The following CTNNA2 variants were observed in gnomAD, a reference collection of about 807,000 sequenced individuals.
CTNNA2 encodes the protein catenin alpha 2.
In CTNNA2, 42 loss-of-function variants were observed where a neutral mutation model predicts 101.0. The observed-to-expected ratio is 0.42, with a 90% CI of 0.32 to 0.54. CTNNA2 has a LOEUF of 0.54. Among genes scored for constraint, CTNNA2 ranks in the 20% least tolerant of loss-of-function variants. The pLI is 0.14. For missense variants in CTNNA2, 871 were observed against 1,223.1 expected (o/e 0.71, Z 4.29); for synonymous variants, 450 against 456.4 (o/e 0.99, Z 0.18).
At chr2:80,029,100 G>C (rs1291568861) in intron 7 of CTNNA2, among the ~76,000 whole-genome samples, 2 of 152,150 alleles carry the variant, frequency 1.3e-5, no homozygotes, top group Non-Finnish European at 2.9e-5. Flanking sequence ...GGCTTATCTA[G>C]CCTTCCCAAT....
intron 7 of CTNNA2, chr2:80,313,388 G>C: frequency 7.3e-7 from 1 of 1,363,962 alleles, no homozygotes; most frequent in Non-Finnish European, 9.5e-7. Context: ...GAGAAGCAGA[G>C]TTAGATAAAA....
At chr2:79,938,275 T>C (rs1456801531) in intron 7 of CTNNA2, among the ~76,000 whole-genome samples, 1 of 152,214 alleles carries the variant, frequency 6.6e-6, no homozygotes, top group Non-Finnish European at 1.5e-5. Context: ...ATTGTAGAGC[T>C]TGATTTGTAG....
chr2:79,500,027 C>G (rs915156295), intron 4 of CTNNA2, among the ~76,000 whole-genome samples: 1 of 152,118 alleles, frequency 6.6e-6, no homozygotes, highest in Non-Finnish European at 1.5e-5. Context: ...TGGATGAGGA[C>G]CACCCACATT....
chr2:79,977,222 G>GCACGCACACA (rs1553419410), intron 7 of CTNNA2, among the ~76,000 whole-genome samples: 4 of 144,740 alleles, frequency 2.8e-5, no homozygotes, highest in African/African-American at 5.2e-5. Flanking sequence ...GCATATGCAT[G>GCACGCACACA]CACACACACA....
intron 8 of CTNNA2, among the ~76,000 whole-genome samples, chr2:80,408,684 C>G (rs73941111): frequency 0.042 from 6,395 of 152,174 alleles, 329 homozygotes; most frequent in African/African-American, 0.12. Flanking sequence ...CCCTTTGGAG[C>G]AAGCAATGGT....
intron 6 of CTNNA2, among the ~76,000 whole-genome samples, chr2:79,881,881 G>T (rs1012403762): frequency 1.3e-5 from 2 of 149,280 alleles, no homozygotes; most frequent in Non-Finnish European, 3.0e-5. Flanking sequence ...CACACTAGAT[G>T]ATACAGTTTC....
intron 4 of CTNNA2, among the ~76,000 whole-genome samples, chr2:79,428,234 A>T (rs963378693): frequency 6.6e-6 from 1 of 151,850 alleles, no homozygotes. Flanking sequence ...ATTTTCCTCA[A>T]TCAAGGAGCA....
At chr2:79,463,753 G>T (rs987757119) in intron 4 of CTNNA2, among the ~76,000 whole-genome samples, 3 of 152,102 alleles carry the variant, frequency 2.0e-5, no homozygotes, top group Non-Finnish European at 4.4e-5. Context: ...AGAGTGGAAG[G>T]GGTGCCATTA....
intron 7 of CTNNA2, among the ~76,000 whole-genome samples, chr2:79,988,693 G>T (rs187519330): frequency 2.2e-3 from 333 of 152,210 alleles, no homozygotes; most frequent in African/African-American, 7.2e-3. Flanking sequence ...GAATTCTAAG[G>T]TTCATGCATT....
In CTNNA2 at chr2:80,648,489, G is replaced by GTT. The variant is rs535237092; in HGVS notation, c.*623_*624dup. The GTT allele has an allele frequency of 6.6e-6, 1 of 152,410 alleles. No homozygotes were observed. Among genetic ancestry groups the GTT allele is most frequent in the Non-Finnish European group, 1.5e-5 (1 of 67,982 alleles). 9.4% of individuals were successfully genotyped at this position (152,410 alleles called of 1,614,324 possible). A position where few individuals can be genotyped will look rare whatever the true frequency, so the allele number is the denominator to read the frequency against. On this transcript the variant is annotated 3_prime_UTR_variant, in exon 19 of 19. Coordinates refer to ENST00000402739, the MANE Select transcript of CTNNA2 (RefSeq NM_001282597.3). ...TAGTTGTGCCATTACTAGTGATCAT[G>GTT]TTTTTTTCCCCCCTTTAATGAAAAC...
At chr2:80,631,440 T>G (rs1672286857) in intron 18 of CTNNA2, among the ~76,000 whole-genome samples, 1 of 151,938 alleles carries the variant, frequency 6.6e-6, no homozygotes, top group Non-Finnish European at 1.5e-5. Flanking sequence ...TCTGTTGTTT[T>G]GAAAGTTTCT....
chr2:79,293,594 A>T lies in CTNNA2; in HGVS notation c.-405-19115A>T, dbSNP rs148549529. On this transcript the variant is annotated intron_variant, in intron 2 of 21. Coordinates refer to the CTNNA2 transcript ENST00000466387. The stretch of plus-strand genomic sequence containing the variant: ...GGAAATGTTGGAAGAGACTTTGCTG[A>T]GGAAATTGCCATCAGCTGAGGGTAG... Among the ~76,000 whole-genome samples, 508 of 152,314 alleles carry T rather than the reference A, an allele frequency of 3.3e-3. 8 individuals are homozygous for T. Among genetic ancestry groups the T allele is most frequent in the African/African-American group, 0.011 (476 of 41,582 alleles).
At chr2:80,201,233 T>A (rs1707185754) in intron 7 of CTNNA2, among the ~76,000 whole-genome samples, 1 of 152,068 alleles carries the variant, frequency 6.6e-6, no homozygotes. Context: ...CTCAGTTGCT[T>A]GAATCCATGG....
Position 80,023,520 on chromosome 2 carries a change from C to T in CTNNA2, c.1056+113723C>T, listed in dbSNP as rs116079989. ...CAATCCCTTTCTGTTCTATGAGCTA[C>T]GAAAGACAGAATGATTAAAGTGGTT... On this transcript the variant is annotated intron_variant, in intron 7 of 18. Coordinates refer to ENST00000402739, the MANE Select transcript of CTNNA2 (RefSeq NM_001282597.3). Among the ~76,000 whole-genome samples, 582 of 152,028 alleles carry T rather than the reference C, an allele frequency of 3.8e-3. 2 individuals carry two copies. Among genetic ancestry groups the T allele is most frequent in the Non-Finnish European group, 5.5e-3 (372 of 67,990 alleles).
chr2:80,108,654 C>T (rs1701029263), intron 7 of CTNNA2, among the ~76,000 whole-genome samples: 1 of 152,200 alleles, frequency 6.6e-6, no homozygotes, highest in African/African-American at 2.4e-5. Context: ...ATAAAGTAGG[C>T]TGCACAATCA....
intron 8 of CTNNA2, among the ~76,000 whole-genome samples, chr2:80,410,243 C>A (rs1343720074): frequency 6.6e-6 from 1 of 152,174 alleles, no homozygotes; most frequent in Non-Finnish European, 1.5e-5. Flanking sequence ...GTTTGTTTTT[C>A]TTTTTGAGTT....
At chr2:80,007,616 A>G (rs1558722950) in intron 7 of CTNNA2, among the ~76,000 whole-genome samples, 1 of 152,078 alleles carries the variant, frequency 6.6e-6, no homozygotes, top group East Asian at 1.9e-4. Context: ...GCCTTTGAAA[A>G]TTTTCTGAGC....
chr2:80,063,133 A>T (rs77570034), intron 7 of CTNNA2, among the ~76,000 whole-genome samples: 5,525 of 152,110 alleles, frequency 0.036, 334 homozygotes, highest in African/African-American at 0.13. Flanking sequence ...ATGCCTACAC[A>T]TCCTTCCTTA....
intron 2 of CTNNA2, among the ~76,000 whole-genome samples, chr2:79,228,267 C>T (rs1289686392): frequency 6.6e-6 from 1 of 152,150 alleles, no homozygotes; most frequent in Non-Finnish European, 1.5e-5. Flanking sequence ...TTGGTATATC[C>T]TAGTAGTGGA....
Sources: gnomAD v4.1 joint callset for allele counts (sites outside exome capture counted in the v4.1 genomes callset) on GRCh38, gnomAD v4.1.1 for gene constraint, MANE v1.5 for transcripts, NCBI Gene and HGNC (gene_info 2026-07-23, HGNC 2026-07-21) for gene names.